The following PCDH9 variants were observed in gnomAD, a reference collection of about 807,000 sequenced individuals.
The protein encoded by PCDH9 is protocadherin-9.
A neutral mutation model predicts 70.6 loss-of-function variants in PCDH9; 24 were observed. The observed-to-expected ratio is 0.34, with a 90% CI of 0.25 to 0.48. The LOEUF is 0.48. Ranked by LOEUF, PCDH9 falls within the 20% of genes least tolerant of loss-of-function variation. The pLI is 0.99. For missense variants in PCDH9, 1,281 were observed against 1,503.6 expected, an observed-to-expected ratio of 0.85 and a Z score of 2.45; for synonymous variants, 562 against 558.5, an observed-to-expected ratio of 1.01 and a Z score of -0.09.
At chr13:66,919,114 G>C (rs1455887719) in intron 2 of PCDH9, among the ~76,000 whole-genome samples, 1 of 150,938 alleles carries the variant, frequency 6.6e-6, no homozygotes, top group Non-Finnish European at 1.5e-5. Context: ...TATATTATTG[G>C]TTATTTTATC....
intron 2 of PCDH9, among the ~76,000 whole-genome samples, chr13:67,084,497 C>G (rs530707479): frequency 6.6e-6 from 1 of 152,262 alleles, no homozygotes; most frequent in South Asian, 2.1e-4. Context: ...AAACCATACT[C>G]CTTCCTTTAA....
intron 3 of PCDH9, among the ~76,000 whole-genome samples, chr13:66,902,877 C>T (rs2082299888): frequency 6.6e-6 from 1 of 151,546 alleles, no homozygotes; most frequent in African/African-American, 2.4e-5. Context: ...ATAATTGGCA[C>T]TGGAAAAACC....
rs763394541 is a variant in PCDH9, at chr13:67,229,908, C to A, written c.-264G>T. 1.3e-5 allele frequency: 2 copies of A among 152,170 alleles called. No individual in the cohort carries two copies. The highest frequency in any genetic ancestry group is 6.5e-5 in the Admixed American group (1 of 15,278). 9.4% of individuals were successfully genotyped at this position (152,170 alleles called of 1,614,324 possible). ...AATCAGAAGCAGCAAAATGTTTCCTCCTTGTAAAATGTGTTGCTTCGGGCT... is the reference window on the plus strand; with the variant it reads ...AATCAGAAGCAGCAAAATGTTTCCTACTTGTAAAATGTGTTGCTTCGGGCT... On this transcript the variant is annotated 5_prime_UTR_variant, in exon 1 of 5. The change creates a premature stop within an existing upstream ORF in the 5' untranslated region. Transcript: ENST00000377865.
chr13:66,706,095 C>A (rs1334092827), intron 3 of PCDH9, among the ~76,000 whole-genome samples: 1 of 152,096 alleles, frequency 6.6e-6, no homozygotes, highest in East Asian at 1.9e-4. Context: ...TATAACTGAG[C>A]CAATGCATGA....
rs551896304 is a variant in PCDH9 at position 66,423,112 on chromosome 13, A to C, written c.3341-118084T>G. Among the ~76,000 whole-genome samples, 431 of 152,288 alleles carry C rather than the reference A, an allele frequency of 2.8e-3. 3 individuals are homozygous for C. Among genetic ancestry groups the C allele is most frequent in the African/African-American group, 9.8e-3 (408 of 41,564 alleles). ...ACCCTCCCAAGAATAAACCAGGAAGAAGTCAAATCCCTGAATAGACCAATA... is the reference window on the plus strand; with the variant it reads ...ACCCTCCCAAGAATAAACCAGGAAGCAGTCAAATCCCTGAATAGACCAATA... On this transcript the variant is annotated intron_variant, in intron 4 of 4. Transcript: ENST00000377865.
chr13:66,737,004 G>A (rs1415834105), intron 3 of PCDH9, among the ~76,000 whole-genome samples: 1 of 152,102 alleles, frequency 6.6e-6, no homozygotes, highest in Non-Finnish European at 1.5e-5. Flanking sequence ...AAAAAACAGT[G>A]TAGCCTCTAT....
At chr13:66,566,942 A>G (rs1288719986) in intron 4 of PCDH9, among the ~76,000 whole-genome samples, 3 of 152,152 alleles carry the variant, frequency 2.0e-5, no homozygotes, top group Non-Finnish European at 4.4e-5. Flanking sequence ...TAAGCTGTGG[A>G]AGGAGATGAT....
chr13:66,399,193 A>G (rs963311217), intron 4 of PCDH9, among the ~76,000 whole-genome samples: 3 of 152,176 alleles, frequency 2.0e-5, no homozygotes, highest in Non-Finnish European at 4.4e-5. Flanking sequence ...GCTTGGCCCT[A>G]TAAGTATTCA....
At chr13:66,906,275 A>G (rs1345358534) in intron 2 of PCDH9, among the ~76,000 whole-genome samples, 3 of 152,190 alleles carry the variant, frequency 2.0e-5, no homozygotes, top group African/African-American at 7.2e-5. Flanking sequence ...GGAACTGCAT[A>G]TGCAAAGGTG....
At chr13:66,636,603 G>A (rs909539265) in intron 3 of PCDH9, among the ~76,000 whole-genome samples, 1 of 152,020 alleles carries the variant, frequency 6.6e-6, no homozygotes, top group African/African-American at 2.4e-5. Flanking sequence ...ATTTGTAATT[G>A]TTTAAATATG....
At chr13:66,910,209 A>T (rs904163251) in intron 2 of PCDH9, among the ~76,000 whole-genome samples, 12 of 152,306 alleles carry the variant, frequency 7.9e-5, no homozygotes, top group Admixed American at 5.9e-4. Context: ...GTCCAGCCAG[A>T]TGGAGGTAGT....
intron 2 of PCDH9, chr13:67,212,873 T>C (rs2089496427): frequency 6.6e-6 from 1 of 152,096 alleles, no homozygotes. Context: ...GTTCATTATC[T>C]GAACTGGAAT....
chr13:67,139,457 G>A (rs1416449329), intron 2 of PCDH9, among the ~76,000 whole-genome samples: 2 of 152,114 alleles, frequency 1.3e-5, no homozygotes, highest in African/African-American at 2.4e-5. Context: ...AAAATTATCC[G>A]ACTTCATCTC....
At chr13:66,990,104 T>G (rs1211181514) in intron 2 of PCDH9, among the ~76,000 whole-genome samples, 3 of 152,048 alleles carry the variant, frequency 2.0e-5, no homozygotes, top group Non-Finnish European at 2.9e-5. Context: ...TGTAATTATC[T>G]GCAAAATTTT....
intron 3 of PCDH9, among the ~76,000 whole-genome samples, chr13:66,879,836 C>T (rs952203751): frequency 2.6e-5 from 4 of 151,826 alleles, no homozygotes; most frequent in African/African-American, 9.7e-5. Flanking sequence ...TTGAAAAATT[C>T]CTAACACAAT....
intron 2 of PCDH9, among the ~76,000 whole-genome samples, chr13:67,162,023 G>A (rs1304422881): frequency 2.6e-5 from 4 of 152,124 alleles, no homozygotes; most frequent in African/African-American, 9.7e-5. Context: ...GTTCAAGTCC[G>A]CCTTCCTAAA....
At chr13:66,751,141 G>A (rs2079451506) in intron 3 of PCDH9, among the ~76,000 whole-genome samples, 1 of 151,894 alleles carries the variant, frequency 6.6e-6, no homozygotes, top group African/African-American at 2.4e-5. Context: ...ATTTTCCTTA[G>A]CATCTATATT....
At chr13:66,438,614 C>A (rs7986387) in intron 4 of PCDH9, among the ~76,000 whole-genome samples, 8 of 152,280 alleles carry the variant, frequency 5.3e-5, no homozygotes, top group Admixed American at 1.3e-4. Flanking sequence ...GTGACTGTTA[C>A]GGCCCTTGCA....
chr13:66,758,680 C>T (rs6562474), intron 3 of PCDH9, among the ~76,000 whole-genome samples: 7 of 151,558 alleles, frequency 4.6e-5, no homozygotes, highest in Non-Finnish European at 7.4e-5. Flanking sequence ...TATATGAAAG[C>T]GTTTGAGAAT....
Sources: gnomAD v4.1 joint callset for allele counts (sites outside exome capture counted in the v4.1 genomes callset) on GRCh38, gnomAD v4.1.1 for gene constraint, MANE v1.5 for transcripts, NCBI Gene and HGNC (gene_info 2026-07-23, HGNC 2026-07-21) for gene names.